The following ITGAE variants were observed in gnomAD, a reference collection of about 807,000 sequenced individuals.
The protein encoded by ITGAE is integrin subunit alpha E.
In ITGAE, 99 loss-of-function variants were observed where a neutral mutation model predicts 136.5. That is an observed-to-expected ratio of 0.73 (90% CI 0.62 to 0.86). ITGAE has a LOEUF of 0.86. Ranked by LOEUF, ITGAE falls within the 40% of genes least tolerant of loss-of-function variation. The pLI is 0.00. For missense variants in ITGAE, 1,447 were observed against 1,515.3 expected, an observed-to-expected ratio of 0.95 and a Z score of 0.75; for synonymous variants, 613 against 591.8, an observed-to-expected ratio of 1.04 and a Z score of -0.52.
chr17:3,771,535 T>TCTCTCTC (rs113945304), intron 2 of ITGAE, among the ~76,000 whole-genome samples: 2 of 131,630 alleles, frequency 1.5e-5, no homozygotes, highest in Non-Finnish European at 3.3e-5. Context: ...CATTTTTCTC[T>TCTCTCTC]TTTTTTTTTT....
chr17:3,731,158 A>C lies in ITGAE; in HGVS notation c.2780T>G (p.Leu927Arg). Residue 927 changes from leucine (L) to arginine (R), a missense_variant, in exon 23 of 31, where the codon CTA (leucine) becomes CGA (arginine). Coordinates refer to ENST00000263087, the MANE Select transcript of ITGAE (RefSeq NM_002208.5). Reference sequence around the variant, plus strand: ...CCTGTTTGGAAAGGCATTCTCCTCTAGCTGCCAAACGACTGAAACATGAGC... The same window carrying C: ...CCTGTTTGGAAAGGCATTCTCCTCTCGCTGCCAAACGACTGAAACATGAGC... ...SSAHVSVVWQ[L>R]EENAFPNRTA... is the part of the protein sequence containing the mutation. The C allele has an allele frequency of 6.2e-7, 1 of 1,613,788 alleles. No individual in the cohort carries two copies. Among genetic ancestry groups the C allele is most frequent in the Non-Finnish European group, 8.5e-7 (1 of 1,179,762 alleles).
At position 3,750,376 on chromosome 17, in the gene ITGAE, G is replaced by C; in HGVS notation, c.2000C>G (p.Thr667Ser). The change falls in exon 16 of 31, where the codon ACT (threonine) becomes AGT (serine). Residue 667 changes from threonine (T) to serine (S), a missense_variant. Thr to Ser is a moderately conservative substitution (Grantham distance 58). Coordinates refer to ENST00000263087, the MANE Select transcript of ITGAE (RefSeq NM_002208.5). Reference sequence around the variant, plus strand: ...CCGGAACACAACCGCCTGGCCCAGAGTGCCCACGGTGATGTCGGCAAGGCC... The same window carrying C: ...CCGGAACACAACCGCCTGGCCCAGACTGCCCACGGTGATGTCGGCAAGGCC... The part of the protein sequence containing the change: ...GDGLADITVG[T>S]LGQAVVFRSR... 8.1e-6 allele frequency: 13 copies of C among 1,614,186 alleles called. No individual in the cohort carries two copies. The highest frequency in any genetic ancestry group is 1.1e-5 in the Non-Finnish European group (13 of 1,180,036).
intron 1 of ITGAE, among the ~76,000 whole-genome samples, chr17:3,782,249 CG>C (rs2052681669): frequency 7.5e-6 from 1 of 133,522 alleles, no homozygotes; most frequent in East Asian, 2.3e-4. Context: ...CACTCCAGCC[CG>C]GGTGAGAGAG....
chr17:3,756,057 AACT>A (rs940026107), intron 10 of ITGAE, among the ~76,000 whole-genome samples, 160 bp from the exon 11 acceptor site: 1 of 152,058 alleles, frequency 6.6e-6, no homozygotes, highest in African/African-American at 2.4e-5. Flanking sequence ...CTCCTTGAGC[AACT>A]ACTATCTGGG....
chr17:3,790,036 G>A lies in ITGAE; in HGVS notation c.34+11075C>T, dbSNP rs2052900839. ...AGGCTGACACCACCTGAGCCCACTA[G>A]TCAATCTTAGCATCCCTAGGAGTGG... On this transcript the variant is annotated intron_variant, in intron 1 of 30. Coordinates refer to ENST00000263087, the MANE Select transcript of ITGAE (RefSeq NM_002208.5). Among the ~76,000 whole-genome samples the A allele has an allele frequency of 4.6e-5, 7 of 152,232 alleles. No individual in the cohort carries two copies. The South Asian group carries it at 1.4e-3, about 32-fold the overall frequency.
At position 3,750,845 on chromosome 17, in the gene ITGAE, A is replaced by G. The variant is rs532944547; in HGVS notation, c.1894-363T>C. Among the ~76,000 whole-genome samples, 24 of 151,940 alleles carry G rather than the reference A, an allele frequency of 1.6e-4. No individual in the cohort carries two copies. The South Asian group carries it at 4.0e-3, about 25-fold the overall frequency. On this transcript the variant is annotated intron_variant, in intron 15 of 30. Transcript: ENST00000263087. ...GTCAACAAAGGTTCTGTTGTTTTGAAGTGACATAATCAGGATAACACTTTA... is the reference window on the plus strand; with the variant it reads ...GTCAACAAAGGTTCTGTTGTTTTGAGGTGACATAATCAGGATAACACTTTA...
At chr17:3,731,860 G>A (rs2051351056) in intron 22 of ITGAE, among the ~76,000 whole-genome samples, 1 of 151,060 alleles carries the variant, frequency 6.6e-6, no homozygotes, top group Non-Finnish European at 1.5e-5. Context: ...ATCACTTGAG[G>A]ACAGGAGTTT....
rs2052155967 is a variant in ITGAE, at chr17:3,761,123, T to G, written c.488A>C (p.Lys163Thr). The G allele has an allele frequency of 6.2e-7, 1 of 1,613,372 alleles. No individual in the cohort carries two copies. Among genetic ancestry groups the G allele is most frequent in the African/African-American group, 1.3e-5 (1 of 75,020 alleles). Residue 163 changes from lysine (K) to threonine (T), a missense_variant, in exon 6 of 31, where the codon AAA (lysine) becomes ACA (threonine). Around this residue, in one of 3 missense-constraint regions of ITGAE, gnomAD observed 310 missense variants for 416.1 expected, o/e 0.74. Transcript: ENST00000263087. ...CACATCGTCTTCTCCACCGCCTTCT[T>G]TGTTGCTGTAGCAGTCTCCAGTGTC... ...RVDTGDCYSN[K>T]EGGGEDDVNT... is the part of the protein sequence containing the mutation.
rs904478975 is a variant in ITGAE, at chr17:3,787,232, C to A, written c.35-9572G>T. ...GTTCAAGCGATTCTCCTGCCTCAGC[C>A]TCCCAAGTAGCTGGGATTACAGGCA... On this transcript the variant is annotated intron_variant, in intron 1 of 30. Coordinates refer to ENST00000263087, the MANE Select transcript of ITGAE (RefSeq NM_002208.5). Among the ~76,000 whole-genome samples the A allele has an allele frequency of 5.9e-5, 9 of 152,080 alleles. No homozygotes were observed. In the South Asian group the frequency reaches 1.9e-3, roughly 32 times the overall value.
At chr17:3,739,270 G>A (rs906533804) in intron 20 of ITGAE, among the ~76,000 whole-genome samples, 17 of 151,840 alleles carry the variant, frequency 1.1e-4, no homozygotes, top group African/African-American at 1.5e-4. Flanking sequence ...TGTCTTCAAC[G>A]TTCATCTCAT....
At chr17:3,744,013 T>C (rs1021759962) in intron 18 of ITGAE, among the ~76,000 whole-genome samples, 4 of 151,374 alleles carry the variant, frequency 2.6e-5, no homozygotes, top group South Asian at 2.1e-4. Context: ...TCTTTTCTTT[T>C]TTTTTTTTTT....
chr17:3,745,035 A>G (rs2051678422), intron 18 of ITGAE, among the ~76,000 whole-genome samples: 1 of 152,186 alleles, frequency 6.6e-6, no homozygotes, highest in Non-Finnish European at 1.5e-5. Context: ...GGAATAAACG[A>G]TCCATATAGA....
At chr17:3,753,684 G>A in intron 13 of ITGAE, 99 bp downstream of exon 13, 2 of 1,454,448 alleles carry the variant, frequency 1.4e-6, no homozygotes, top group Admixed American at 2.0e-5. Flanking sequence ...CCCAGCCCGG[G>A]CCCTGGCCCA....
At position 3,724,003 on chromosome 17, in the gene ITGAE, G is replaced by C. The variant is rs926925063; in HGVS notation, c.3085-259C>G. 5 of 1,594,340 alleles carry C rather than the reference G, an allele frequency of 3.1e-6. No individual in the cohort carries two copies. Among genetic ancestry groups the C allele is most frequent in the Admixed American group, 3.4e-5 (2 of 59,444 alleles). ...ACATATGGGGCTGCGGACGGCAGGA[G>C]ACAGCGGCGGCCGGGCCGGGAAGCC... On this transcript the variant is annotated intron_variant, in intron 26 of 30. Coordinates refer to ENST00000263087, the MANE Select transcript of ITGAE (RefSeq NM_002208.5).
intron 20 of ITGAE, chr17:3,738,990 T>G (rs1335880503): frequency 2.6e-5 from 4 of 152,276 alleles, no homozygotes; most frequent in African/African-American, 7.2e-5. Context: ...TCTGAGGGCT[T>G]AAGAAGCCCC....
intron 15 of ITGAE, 41 bp downstream of exon 15, chr17:3,751,609 A>G: frequency 6.4e-7 from 1 of 1,566,696 alleles, no homozygotes; most frequent in Non-Finnish European, 8.8e-7. Flanking sequence ...GAGAGAGGTC[A>G]GAGCCCCAGA....
At chr17:3,734,043 C>A (rs1014891837) in intron 21 of ITGAE, among the ~76,000 whole-genome samples, 1 of 152,170 alleles carries the variant, frequency 6.6e-6, no homozygotes, top group East Asian at 1.9e-4. Flanking sequence ...TAATTACCGA[C>A]GTAACTACTT....
At chr17:3,776,976 T>G (rs2143302346) in intron 2 of ITGAE, among the ~76,000 whole-genome samples, 1 of 151,562 alleles carries the variant, frequency 6.6e-6, no homozygotes, top group Admixed American at 6.6e-5. Context: ...TTTTTTTTTT[T>G]TTGAGACGGA....
chr17:3,757,206 C>T (rs1031121400), intron 9 of ITGAE, 72 bp from the exon 10 acceptor site: 14 of 1,542,694 alleles, frequency 9.1e-6, no homozygotes, highest in Non-Finnish European at 1.2e-5. Context: ...AGCTGAGCCC[C>T]TCCATCTGGC....
Sources: gnomAD v4.1 joint callset for allele counts (sites outside exome capture counted in the v4.1 genomes callset) on GRCh38, gnomAD v4.1.1 for gene constraint, gnomAD v4.1.1 regional missense constraint, MANE v1.5 for transcripts, NCBI Gene and HGNC (gene_info 2026-07-23, HGNC 2026-07-21) for gene names.